Variants in FNDC3A observed in about 807,000 individuals in gnomAD.
FNDC3A encodes the protein fibronectin type-III domain-containing protein 3A.
FNDC3A carries 32 observed loss-of-function variants against 148.9 expected under a neutral mutation model. The ratio of observed to expected loss-of-function variants is 0.21; its 90% CI spans 0.16 to 0.29. FNDC3A has a LOEUF of 0.29. FNDC3A is among the 10% of genes least tolerant of loss of function. FNDC3A has a pLI of 1.00. For missense variants in FNDC3A, 1,191 were observed against 1,452.8 expected, an observed-to-expected ratio of 0.82 and a Z score of 2.93; for synonymous variants, 472 against 473.6, an observed-to-expected ratio of 1.00 and a Z score of 0.04.
rs201203125 is a variant in FNDC3A, at chr13:49,203,288, T to C, written c.3282+4T>C. The C allele has an allele frequency of 5.3e-5, 85 of 1,594,344 alleles. No homozygotes were observed. The highest frequency in any genetic ancestry group is 6.8e-6 in the Non-Finnish European group (8 of 1,168,374). On this transcript the variant is annotated splice_donor_region_variant and intron_variant, in intron 25 of 25. Coordinates refer to ENST00000492622, the MANE Select transcript of FNDC3A (RefSeq NM_001079673.2). ...AAAAGATTCAGAATTCAAACAGGTATGTACCAAGATATTAATGTGTGGATG... is the reference window on the plus strand; with the variant it reads ...AAAAGATTCAGAATTCAAACAGGTACGTACCAAGATATTAATGTGTGGATG...
intron 3 of FNDC3A, among the ~76,000 whole-genome samples, chr13:49,083,212 C>T (rs1258266958): frequency 1.3e-5 from 2 of 152,188 alleles, no homozygotes; most frequent in Non-Finnish European, 2.9e-5. Flanking sequence ...AAATTATCAG[C>T]ACCTGTAGGA....
intron 2 of FNDC3A, among the ~76,000 whole-genome samples, chr13:49,011,722 A>G (rs1460587276): frequency 4.6e-5 from 7 of 152,120 alleles, no homozygotes; most frequent in African/African-American, 1.4e-4. Flanking sequence ...ACTTAAGCCC[A>G]GGAGGTCAAG....
chr13:49,174,604 A>C (rs767396144), intron 12 of FNDC3A, 45 bp downstream of exon 12: 1 of 1,505,860 alleles, frequency 6.6e-7, no homozygotes, highest in African/African-American at 1.4e-5. Flanking sequence ...TTAGATTATC[A>C]AGTCAACGTC....
rs562446210 is a variant in FNDC3A at position 49,086,602 on chromosome 13, T to G, written c.175+11238T>G. Among the ~76,000 whole-genome samples the G allele has an allele frequency of 1.6e-4, 24 of 152,326 alleles. 1 individual carries two copies. The South Asian group carries it at 5.0e-3, about 32-fold the overall frequency. ...CTACTGAAATTATAAGTAACTCAAG[T>G]CAAAACCACATGTAGTAGATTTTTA... On this transcript the variant is annotated intron_variant, in intron 3 of 25. Coordinates refer to ENST00000492622, the MANE Select transcript of FNDC3A (RefSeq NM_001079673.2).
At chr13:49,045,767 A>G in intron 2 of FNDC3A, 1 of 592,104 alleles carries the variant, frequency 1.7e-6, no homozygotes, top group African/African-American at 2.1e-5. Flanking sequence ...TTGACAGCAT[A>G]GCATCTGATT....
chr13:49,024,127 A>G (rs113316479), intron 2 of FNDC3A, among the ~76,000 whole-genome samples: 96 of 152,144 alleles, frequency 6.3e-4, no homozygotes, highest in African/African-American at 1.9e-3. Flanking sequence ...GAAAAACTAG[A>G]GGAAATCGAT....
chr13:49,085,968 T>C (rs530082113), intron 3 of FNDC3A, among the ~76,000 whole-genome samples: 130 of 151,908 alleles, frequency 8.6e-4, no homozygotes, highest in African/African-American at 3.0e-3. Flanking sequence ...CTGCAACCTC[T>C]GCCTCCTGAG....
At chr13:49,031,427 G>T (rs1874112614) in intron 2 of FNDC3A, among the ~76,000 whole-genome samples, 1 of 152,114 alleles carries the variant, frequency 6.6e-6, no homozygotes, top group Non-Finnish European at 1.5e-5. Flanking sequence ...TAATAAGACA[G>T]TGTGGTACTG....
intron 3 of FNDC3A, among the ~76,000 whole-genome samples, chr13:49,102,547 C>T (rs1215016639): frequency 2.6e-5 from 4 of 152,174 alleles, no homozygotes; most frequent in African/African-American, 9.7e-5. Context: ...ACTTCATACC[C>T]TTACTATTCT....
At chr13:49,149,706 T>C (rs944706059) in intron 8 of FNDC3A, among the ~76,000 whole-genome samples, 4 of 152,210 alleles carry the variant, frequency 2.6e-5, no homozygotes, top group Non-Finnish European at 4.4e-5. Context: ...GCTGTCCTTG[T>C]AGAATGAGTT....
At chr13:49,097,472 C>A (rs1879606346) in intron 3 of FNDC3A, among the ~76,000 whole-genome samples, 1 of 151,990 alleles carries the variant, frequency 6.6e-6, no homozygotes, top group Non-Finnish European at 1.5e-5. Context: ...TCATGTTAGT[C>A]TATGTCAGAG....
At chr13:49,043,124 T>C (rs1030484019) in intron 2 of FNDC3A, among the ~76,000 whole-genome samples, 2 of 145,622 alleles carry the variant, frequency 1.4e-5, no homozygotes, top group African/African-American at 5.0e-5. Context: ...CCCAGCCAGT[T>C]TTTTTTTTTT....
At chr13:49,066,179 AAACT>A (rs1877247547) in intron 2 of FNDC3A, among the ~76,000 whole-genome samples, 1 of 152,174 alleles carries the variant, frequency 6.6e-6, no homozygotes, top group Non-Finnish European at 1.5e-5. Flanking sequence ...AATTCTTAAA[AAACT>A]GTATTCCTGT....
chr13:49,085,618 C>G (rs890374778), intron 3 of FNDC3A, among the ~76,000 whole-genome samples: 6 of 152,126 alleles, frequency 3.9e-5, no homozygotes, highest in Non-Finnish European at 5.9e-5. Context: ...GCTGCAGTTA[C>G]TATAACAGTA....
chr13:49,012,275 G>A (rs1952364973), intron 2 of FNDC3A, among the ~76,000 whole-genome samples: 1 of 151,790 alleles, frequency 6.6e-6, no homozygotes, highest in Non-Finnish European at 1.5e-5. Flanking sequence ...CACCATGCCC[G>A]GCTAATTTTT....
intron 2 of FNDC3A, among the ~76,000 whole-genome samples, chr13:49,034,297 C>T (rs1332918002): frequency 1.3e-5 from 2 of 151,968 alleles, no homozygotes; most frequent in East Asian, 3.8e-4. Flanking sequence ...AAACATAACT[C>T]TTTTACAGAC....
chr13:49,122,822 C>A (rs1881444235), intron 4 of FNDC3A, among the ~76,000 whole-genome samples: 1 of 152,132 alleles, frequency 6.6e-6, no homozygotes, highest in Non-Finnish European at 1.5e-5. Flanking sequence ...AGGAGAACTA[C>A]AAACCGCTGC....
chr13:49,110,033 CAA>C (rs1024135293), intron 3 of FNDC3A, among the ~76,000 whole-genome samples: 5 of 152,178 alleles, frequency 3.3e-5, no homozygotes, highest in Admixed American at 2.0e-4. Flanking sequence ...TTATTGAACA[CAA>C]AGAGAATCAT....
intron 14 of FNDC3A, among the ~76,000 whole-genome samples, chr13:49,180,380 CATA>C (rs983525833): frequency 5.9e-5 from 9 of 152,142 alleles, no homozygotes; most frequent in African/African-American, 1.7e-4. Flanking sequence ...TTATTTAGCA[CATA>C]ATAATTGTTA....
Sources: allele counts gnomAD v4.1 joint callset (sites outside exome capture counted in the v4.1 genomes callset), GRCh38; gene constraint gnomAD v4.1.1; transcripts MANE v1.5; gene names NCBI Gene and HGNC (gene_info 2026-07-23, HGNC 2026-07-21).